CDCA8: variants seen among roughly 807,000 people sequenced by gnomAD.
CDCA8 encodes the protein borealin.
Under a neutral mutation model 40.0 loss-of-function variants are expected in CDCA8, and 25 were observed. That is an observed-to-expected ratio of 0.63 (90% CI 0.46 to 0.87). The LOEUF (loss-of-function observed/expected upper bound fraction) is 0.87, where lower values mean the gene tolerates loss of function less well. Ranked by LOEUF, CDCA8 falls within the 40% of genes least tolerant of loss-of-function variation. The pLI is 0.00. For missense variants in CDCA8, 280 were observed against 348.4 expected, an observed-to-expected ratio of 0.80 and a Z score of 1.56; for synonymous variants, 111 against 126.5, an observed-to-expected ratio of 0.88 and a Z score of 0.82.
Position 37,708,499 on chromosome 1 carries a change from A to G in CDCA8, c.*133A>G. ...CATGTTCCTCTAAGGGAATTCAGGAATTCAGACGTGCTAGTCCCACACCAG... is the reference window on the plus strand; with the variant it reads ...CATGTTCCTCTAAGGGAATTCAGGAGTTCAGACGTGCTAGTCCCACACCAG... On this transcript the variant is annotated 3_prime_UTR_variant, in exon 10 of 10. Transcript: ENST00000373055. 4 of 848,072 alleles carry G rather than the reference A, an allele frequency of 4.7e-6. No individual in the cohort carries two copies. The highest frequency in any genetic ancestry group is 4.3e-5 in the South Asian group (3 of 69,316). The allele number at this position is 848,072 out of a possible 1,614,324, so 52.5% of individuals were successfully genotyped here.
chr1:37,699,510 T>G (rs1217350848), intron 4 of CDCA8, among the ~76,000 whole-genome samples: 6 of 151,790 alleles, frequency 4.0e-5, no homozygotes, highest in African/African-American at 4.8e-5. Context: ...GCTGTGAGGA[T>G]TACTTGAGCC....
chr1:37,703,815 G>T (rs970135259), intron 7 of CDCA8, among the ~76,000 whole-genome samples: 2 of 152,206 alleles, frequency 1.3e-5, no homozygotes, highest in African/African-American at 4.8e-5. Context: ...TCCCTTAAGT[G>T]TAGTTTCACC....
At chr1:37,705,317 G>T in intron 7 of CDCA8, 124 bp from the exon 8 acceptor site, 1 of 756,620 alleles carries the variant, frequency 1.3e-6, no homozygotes, top group South Asian at 2.1e-5. Flanking sequence ...AATTTAGAAC[G>T]TGCTTTCTTA....
At position 37,696,544 on chromosome 1, in the gene CDCA8, A is replaced by T. The variant is rs1645528276; in HGVS notation, c.264+594A>T. On this transcript the variant is annotated intron_variant, in intron 3 of 9. Coordinates refer to ENST00000373055, the MANE Select transcript of CDCA8 (RefSeq NM_001256875.2). This position sits in a 1 kb window ranked among gnomAD's most constrained non-coding sequence, Gnocchi z 5.0. ...TTTACATGTTCAATACCTACATATGACTAGTAGCTACTCCATCAGAGAGCA... is the reference window on the plus strand; with the variant it reads ...TTTACATGTTCAATACCTACATATGTCTAGTAGCTACTCCATCAGAGAGCA... Among the ~76,000 whole-genome samples, 1 of 152,256 alleles carries T rather than the reference A, an allele frequency of 6.6e-6. No homozygotes were observed. The highest frequency in any genetic ancestry group is 2.4e-5 in the African/African-American group (1 of 41,470).
chr1:37,706,258 C>G (rs944713167), intron 8 of CDCA8, among the ~76,000 whole-genome samples: 3 of 152,156 alleles, frequency 2.0e-5, no homozygotes, highest in Admixed American at 2.0e-4. Context: ...CAGGCACATG[C>G]CACCACACCC....
At position 37,709,422 on chromosome 1, in the gene CDCA8, T is replaced by C. The variant is rs546147763; in HGVS notation, c.*1056T>C. On this transcript the variant is annotated 3_prime_UTR_variant, in exon 10 of 10. Transcript: ENST00000373055. ...GTCCTCATTCTCCAGCCAGCCTCTC[T>C]GCCCTGGAGAATCATGTGCTATGTT... The C allele has an allele frequency of 6.6e-6, 1 of 152,286 alleles. No individual in the cohort carries two copies. The highest frequency in any genetic ancestry group is 1.9e-4 in the East Asian group (1 of 5,178). The allele number at this position is 152,286 out of a possible 1,614,324, so 9.4% of individuals were successfully genotyped here. A position where few individuals can be genotyped will look rare whatever the true frequency, so the allele number is the denominator to read the frequency against.
chr1:37,703,086 G>A (rs1645575359), intron 6 of CDCA8, among the ~76,000 whole-genome samples, 166 bp from the exon 7 acceptor site: 1 of 152,210 alleles, frequency 6.6e-6, no homozygotes, highest in East Asian at 1.9e-4. Context: ...CTGTGTATGA[G>A]GATGGCAGCA....
chr1:37,702,292 GC>G (rs1645570734), intron 6 of CDCA8, among the ~76,000 whole-genome samples: 1 of 151,134 alleles, frequency 6.6e-6, no homozygotes, highest in Admixed American at 6.6e-5. Context: ...ACCCACCTCA[GC>G]CCCCACTTTT....
rs755507277 is a variant in CDCA8 at position 37,703,275 on chromosome 1, C to T, written c.512C>T (p.Thr171Ile). ...AGGTCAAGCCGTGCTAACACTGTTA[C>T]CCCAGCCGTGGGCCGATTGGAGGTG... ...GKRSSRANTV[T>I]PAVGRLEVSM... The change falls in exon 7 of 10, where the codon ACC becomes ATC. Residue 171 changes from threonine to isoleucine, a missense_variant. Thr to Ile is a moderately conservative substitution (Grantham distance 89). Transcript: ENST00000373055. The T allele has an allele frequency of 1.9e-6, 3 of 1,613,764 alleles. No homozygotes were observed. Among genetic ancestry groups the T allele is most frequent in the East Asian group, 2.2e-5 (1 of 44,870 alleles).
chr1:37,700,495 G>C lies in CDCA8; in HGVS notation c.397G>C (p.Glu133Gln), dbSNP rs1356550984. The change falls in exon 5 of 10, where the codon GAA (glutamate) becomes CAA (glutamine). Residue 133 changes from glutamate to glutamine, a missense_variant. Transcript: ENST00000373055. ...IVEEEEEEEN[E>Q]RKNLQTARVK... Reference sequence around the variant, plus strand: ...GGAAGAGGAAGAAGAAGAAGAAAATGAACGTAAGAATCTTCAAACTGCAAG... The same window carrying C: ...GGAAGAGGAAGAAGAAGAAGAAAATCAACGTAAGAATCTTCAAACTGCAAG... 2 of 1,610,206 alleles carry C rather than the reference G, an allele frequency of 1.2e-6. No homozygotes were observed. Among genetic ancestry groups the C allele is most frequent in the African/African-American group, 1.3e-5 (1 of 74,872 alleles).
chr1:37,708,247 G>A, intron 9 of CDCA8, 75 bp from the exon 10 acceptor site: 2 of 1,318,254 alleles, frequency 1.5e-6, no homozygotes, highest in Non-Finnish European at 2.2e-6. Flanking sequence ...AGGGGCTCAG[G>A]CTGACTGTGG....
At position 37,692,875 on chromosome 1, in the gene CDCA8, C is replaced by CCGTG. The variant is rs1350291524; in HGVS notation, c.95-29_95-26dup. 1.9e-6 allele frequency: 3 copies of CCGTG among 1,613,374 alleles called. No individual in the cohort carries two copies. The African/African-American group carries it at 4.0e-5, about 22-fold the overall frequency. On this transcript the variant is annotated intron_variant, in intron 1 of 9. Transcript: ENST00000373055. ...CTGCACAGATTCGCCCGCCCGTGAC[C>CCGTG]CGTGTCCTGTCGGCTCTGCCCTCCC... is the stretch of plus-strand genomic sequence containing the variant.
intron 4 of CDCA8, among the ~76,000 whole-genome samples, chr1:37,699,386 A>G (rs1464913029): frequency 1.3e-5 from 2 of 152,202 alleles, no homozygotes; most frequent in African/African-American, 4.8e-5. Context: ...GTAATCAACA[A>G]AGTTGAAAGC....
intron 7 of CDCA8, 134 bp from the exon 8 acceptor site, chr1:37,705,305 TAA>T: frequency 2.8e-6 from 2 of 719,288 alleles, no homozygotes; most frequent in Non-Finnish European, 4.6e-6. Flanking sequence ...TTTTTTTTTC[TAA>T]ATTTAGAACG....
intron 7 of CDCA8, 106 bp from the exon 8 acceptor site, chr1:37,705,335 A>G (rs930525594): frequency 1.0e-6 from 1 of 985,808 alleles, no homozygotes; most frequent in Admixed American, 2.3e-5. Flanking sequence ...TTAGGAATGT[A>G]TGACTTAAAA....
chr1:37,699,849 G>A (rs1645551886), intron 4 of CDCA8, among the ~76,000 whole-genome samples: 1 of 152,102 alleles, frequency 6.6e-6, no homozygotes, highest in South Asian at 2.1e-4. Flanking sequence ...GAACCCGGGA[G>A]GTGGAGCTGG....
rs1557520332 is a variant in CDCA8 at position 37,708,390 on chromosome 1, C to CTT, written c.*27_*28dup. 6.2e-7 allele frequency: 1 copy of CTT among 1,610,942 alleles called. No individual in the cohort carries two copies. On this transcript the variant is annotated 3_prime_UTR_variant, in exon 10 of 10. Transcript: ENST00000373055. The stretch of plus-strand genomic sequence containing the variant: ...GAGACACCAAAGTTGACAGGATGGA[C>CTT]TTTTAATGGGCACTTCTGGGACCCT...
In CDCA8 at chr1:37,708,173, C is replaced by T. The variant is rs886961723; in HGVS notation, c.799-149C>T. The T allele has an allele frequency of 1.0e-5, 7 of 694,106 alleles. No individual in the cohort carries two copies. In the African/African-American group the frequency reaches 1.2e-4, roughly 12 times the overall value. 43.0% of individuals were successfully genotyped at this position (694,106 alleles called of 1,614,324 possible). A position where few individuals can be genotyped will look rare whatever the true frequency, so the allele number is the denominator to read the frequency against. On this transcript the variant is annotated intron_variant, in intron 9 of 9. Transcript: ENST00000373055. The stretch of plus-strand genomic sequence containing the variant: ...GTCTCACTTGAGTTGTTATTTTACT[C>T]CCTTGTTCAGATGAGAAACAGGTTC...
chr1:37,693,172 A>C, intron 2 of CDCA8, 139 bp downstream of exon 2: 2 of 309,272 alleles, frequency 6.5e-6, no homozygotes, highest in Non-Finnish European at 5.2e-6. Context: ...AGACCCTTTC[A>C]CTCTCTGTCT....
Sources: gnomAD v4.1 joint callset for allele counts (sites outside exome capture counted in the v4.1 genomes callset) on GRCh38, gnomAD v4.1.1 for gene constraint, Gnocchi (gnomAD v3.1) non-coding constraint, MANE v1.5 for transcripts, NCBI Gene and HGNC (gene_info 2026-07-23, HGNC 2026-07-21) for gene names.